SNTG1: variants seen among roughly 807,000 people sequenced by gnomAD.
The protein encoded by SNTG1 is syntrophin gamma 1, also known as gamma-1-syntrophin.
SNTG1 carries 39 observed loss-of-function variants against 74.7 expected under a neutral mutation model. That is an observed-to-expected ratio of 0.52 (90% confidence interval 0.40 to 0.68). The LOEUF is 0.68. Among genes scored for constraint, SNTG1 ranks in the 30% least tolerant of loss-of-function variants. The pLI is 0.00. For synonymous variants in SNTG1, 254 were observed against 217.1 expected, an observed-to-expected ratio of 1.17 and a Z score of -1.49; for missense variants, 685 against 609.5, an observed-to-expected ratio of 1.12 and a Z score of -1.30.
intron 8 of SNTG1, among the ~76,000 whole-genome samples, chr8:50,470,362 G>A (rs989279050): frequency 1.3e-5 from 2 of 152,204 alleles, no homozygotes; most frequent in African/African-American, 4.8e-5. Flanking sequence ...CTGACTTCAA[G>A]AATGAAGCTG....
At chr8:50,512,593 T>G (rs2094090755) in intron 9 of SNTG1, among the ~76,000 whole-genome samples, 1 of 152,238 alleles carries the variant, frequency 6.6e-6, no homozygotes, top group African/African-American at 2.4e-5. Flanking sequence ...AGTCCTATAT[T>G]TCTTGGAGGC....
At chr8:49,959,653 T>C (rs1222834132) in intron 1 of SNTG1, among the ~76,000 whole-genome samples, 1 of 152,250 alleles carries the variant, frequency 6.6e-6, no homozygotes, top group African/African-American at 2.4e-5. Context: ...CTAAATAACA[T>C]TCCATTATAT....
intron 1 of SNTG1, among the ~76,000 whole-genome samples, chr8:50,054,139 AGCATTGGGTCTC>A (rs1038156176): frequency 6.6e-6 from 1 of 152,112 alleles, no homozygotes. Flanking sequence ...CTCCAATTTC[AGCATTGGGTCTC>A]TGATGAGTTG....
At chr8:49,965,293 GT>G in intron 1 of SNTG1, among the ~76,000 whole-genome samples, 1 of 152,164 alleles carries the variant, frequency 6.6e-6, no homozygotes, top group Non-Finnish European at 1.5e-5. Context: ...CACTCAGTAG[GT>G]GATGACGATG....
chr8:50,475,242 T>C (rs960720791), intron 8 of SNTG1, among the ~76,000 whole-genome samples: 3 of 150,158 alleles, frequency 2.0e-5, no homozygotes, highest in Non-Finnish European at 3.0e-5. Context: ...ATAATAATAA[T>C]AATAAAAAAG....
chr8:50,482,235 T>C (rs2093746900), intron 8 of SNTG1, among the ~76,000 whole-genome samples: 1 of 152,178 alleles, frequency 6.6e-6, no homozygotes, highest in South Asian at 2.1e-4. Context: ...CTGCTCTTTT[T>C]CCTCCTCTTC....
intron 4 of SNTG1, among the ~76,000 whole-genome samples, chr8:50,414,173 T>C (rs891262985): frequency 3.3e-5 from 5 of 152,182 alleles, no homozygotes; most frequent in African/African-American, 1.2e-4. Context: ...TCAGTTTGGC[T>C]CTATAATGTG....
chr8:50,176,263 C>T (rs2082996534), intron 2 of SNTG1, among the ~76,000 whole-genome samples: 1 of 152,140 alleles, frequency 6.6e-6, no homozygotes, highest in African/African-American at 2.4e-5. Flanking sequence ...TCTATTGCCC[C>T]ATGTGCCACC....
At chr8:49,928,232 G>T (rs1444935610) in intron 1 of SNTG1, among the ~76,000 whole-genome samples, 1 of 39,228 alleles carries the variant, frequency 2.5e-5, no homozygotes, top group Non-Finnish European at 4.8e-5. Flanking sequence ...CAGTTTTTTT[G>T]TTTCTTTTTT....
intron 13 of SNTG1, among the ~76,000 whole-genome samples, chr8:50,650,833 TG>T (rs2095140454): frequency 6.6e-6 from 1 of 152,112 alleles, no homozygotes; most frequent in African/African-American, 2.4e-5. Context: ...CCCGAGCAGC[TG>T]GGATTACAAG....
At chr8:50,464,825 A>T (rs902008668) in intron 8 of SNTG1, among the ~76,000 whole-genome samples, 2 of 152,108 alleles carry the variant, frequency 1.3e-5, no homozygotes, top group Non-Finnish European at 2.9e-5. Context: ...CTGTTAACAT[A>T]GTATCTGTTA....
At chr8:50,382,793 A>C (rs2092510894) in intron 2 of SNTG1, among the ~76,000 whole-genome samples, 1 of 152,212 alleles carries the variant, frequency 6.6e-6, no homozygotes, top group East Asian at 1.9e-4. Context: ...GTATGTGTAC[A>C]CATATTTTAA....
intron 11 of SNTG1, among the ~76,000 whole-genome samples, chr8:50,546,378 A>C (rs959242422): frequency 7.1e-6 from 1 of 140,280 alleles, no homozygotes. Flanking sequence ...GAGAAGGAAG[A>C]CTTTTTTATT....
At chr8:50,732,509 A>G (rs143420523) in intron 17 of SNTG1, among the ~76,000 whole-genome samples, 2 of 152,096 alleles carry the variant, frequency 1.3e-5, no homozygotes, top group Admixed American at 1.3e-4. Flanking sequence ...CATTATTTTA[A>G]CACAAAATGT....
chr8:49,946,140 A>C (rs1229058047), intron 1 of SNTG1, among the ~76,000 whole-genome samples: 2 of 152,146 alleles, frequency 1.3e-5, no homozygotes, highest in African/African-American at 4.8e-5. Context: ...GTATTTATAA[A>C]TGTAGGAAGT....
intron 5 of SNTG1, among the ~76,000 whole-genome samples, chr8:50,439,321 A>T (rs1317775611): frequency 6.6e-6 from 1 of 152,138 alleles, no homozygotes; most frequent in East Asian, 1.9e-4. Flanking sequence ...ATGAAGTTTA[A>T]CTTTATAATT....
chr8:50,143,908 A>G (rs1280380960), intron 1 of SNTG1, among the ~76,000 whole-genome samples: 3 of 152,218 alleles, frequency 2.0e-5, no homozygotes. Flanking sequence ...AATCAGTATT[A>G]AAAATTAGAA....
chr8:50,218,632 T>C (rs774017980), intron 2 of SNTG1, among the ~76,000 whole-genome samples: 16 of 152,122 alleles, frequency 1.1e-4, no homozygotes, highest in Non-Finnish European at 1.2e-4. Context: ...CATGATAATA[T>C]GTTATGGTTA....
chr8:50,127,432 A>C (rs1453699170), intron 1 of SNTG1, among the ~76,000 whole-genome samples: 1 of 152,146 alleles, frequency 6.6e-6, no homozygotes, highest in Non-Finnish European at 1.5e-5. Flanking sequence ...TTCAGTTACA[A>C]CAGGTGCTCT....
Sources: allele counts gnomAD v4.1 joint callset (sites outside exome capture counted in the v4.1 genomes callset), GRCh38; gene constraint gnomAD v4.1.1; transcripts MANE v1.5; gene names NCBI Gene and HGNC (gene_info 2026-07-23, HGNC 2026-07-21).